The following TTC17 variants were observed in gnomAD, a reference collection of about 807,000 sequenced individuals.
TTC17 encodes the protein tetratricopeptide repeat protein 17.
Under a neutral mutation model 143.8 loss-of-function variants are expected in TTC17, and 58 were observed. That is an observed-to-expected ratio of 0.40 (90% CI 0.33 to 0.50). The LOEUF is 0.50. Ranked by LOEUF, TTC17 falls within the 20% of genes least tolerant of loss-of-function variation. TTC17 has a pLI of 0.49. For synonymous variants in TTC17, 501 were observed against 497.8 expected (o/e 1.01, Z -0.09); for missense variants, 1,273 against 1,392.5 (o/e 0.91, Z 1.37).
At chr11:43,445,284 T>C (rs1947516663) in intron 18 of TTC17, among the ~76,000 whole-genome samples, 1 of 152,212 alleles carries the variant, frequency 6.6e-6, no homozygotes, top group Non-Finnish European at 1.5e-5. Context: ...TAATTGCCAC[T>C]GTTTTTCTTT....
intron 21 of TTC17, among the ~76,000 whole-genome samples, chr11:43,474,860 C>T (rs1312980700): frequency 6.6e-6 from 1 of 152,068 alleles, no homozygotes; most frequent in Admixed American, 6.5e-5. Context: ...AAGAAAATCA[C>T]AAGGAAGAGA....
At chr11:43,414,880 T>C (rs1946742399) in intron 16 of TTC17, 104 bp downstream of exon 16, 1 of 1,256,094 alleles carries the variant, frequency 8.0e-7, no homozygotes, top group Non-Finnish European at 1.1e-6. Context: ...CCAAGGATTT[T>C]AGATAACCAG....
At chr11:43,420,051 T>C (rs1194067565) in intron 16 of TTC17, among the ~76,000 whole-genome samples, 3 of 152,252 alleles carry the variant, frequency 2.0e-5, no homozygotes, top group Admixed American at 6.5e-5. Context: ...GCTGTAGTTA[T>C]TTGGTTAACA....
At chr11:43,389,035 G>T (rs920084557) in intron 2 of TTC17, among the ~76,000 whole-genome samples, 19 of 151,664 alleles carry the variant, frequency 1.3e-4, no homozygotes, top group African/African-American at 4.1e-4. Flanking sequence ...ATACTTGGGA[G>T]GCTGAGGTGA....
At position 43,405,881 on chromosome 11, in the gene TTC17, C is replaced by T. The variant is rs530232005; in HGVS notation, c.1691C>T (p.Ser564Phe). Residue 564 changes from serine (S) to phenylalanine (F), a missense_variant, in exon 13 of 24, where the codon TCC (serine) becomes TTC (phenylalanine). Coordinates refer to ENST00000039989, the MANE Select transcript of TTC17 (RefSeq NM_018259.6). ...GACTTCAGAAAAAGCCACACTCTGT[C>T]CTACTTAGTCAAAGAATTAGAGGTT... ...ITDFRKSHTL[S>F]YLVKELEVRM... 6 of 1,614,038 alleles carry T rather than the reference C, an allele frequency of 3.7e-6. No homozygotes were observed. The South Asian group carries it at 5.5e-5, about 15-fold the overall frequency.
chr11:43,493,322 T>C lies in TTC17; in HGVS notation c.3295-451T>C, dbSNP rs1291475463. Among the ~76,000 whole-genome samples the C allele has an allele frequency of 2.0e-5, 3 of 152,210 alleles. No homozygotes were observed. The East Asian group carries it at 5.8e-4, about 29-fold the overall frequency. On this transcript the variant is annotated intron_variant, in intron 23 of 23. Coordinates refer to ENST00000039989, the MANE Select transcript of TTC17 (RefSeq NM_018259.6). Reference sequence around the variant, plus strand: ...AGATACCGGACTTAGTTTCCGTCTTTCCAGCTACATTAGAAAATTTAGGCA... The same window carrying C: ...AGATACCGGACTTAGTTTCCGTCTTCCCAGCTACATTAGAAAATTTAGGCA...
At chr11:43,360,933 A>G (rs2134421537) in intron 1 of TTC17, among the ~76,000 whole-genome samples, 1 of 152,240 alleles carries the variant, frequency 6.6e-6, no homozygotes, top group East Asian at 1.9e-4. Context: ...TTTTCATTGA[A>G]TTTTCCAATA....
chr11:43,399,414 C>T (rs903251011), intron 8 of TTC17, among the ~76,000 whole-genome samples: 2 of 152,152 alleles, frequency 1.3e-5, no homozygotes, highest in African/African-American at 4.8e-5. Context: ...CCTGTAATCC[C>T]AGTTATTCTG....
intron 8 of TTC17, 72 bp downstream of exon 8, chr11:43,398,185 T>C: frequency 6.4e-7 from 1 of 1,557,878 alleles, no homozygotes; most frequent in Non-Finnish European, 8.7e-7. Flanking sequence ...GTAGGGGATA[T>C]CAGTGTTAAT....
At chr11:43,446,768 C>G in intron 18 of TTC17, 1 of 753,862 alleles carries the variant, frequency 1.3e-6, no homozygotes, top group Non-Finnish European at 1.6e-6. Context: ...TCAGAAAACC[C>G]TTCCCAGACA....
chr11:43,422,172 A>G (rs755907060), intron 16 of TTC17, among the ~76,000 whole-genome samples: 1 of 152,338 alleles, frequency 6.6e-6, no homozygotes, highest in Non-Finnish European at 1.5e-5. Context: ...AGAAAGGGAT[A>G]TGGGAAATGA....
intron 21 of TTC17, 97 bp from the exon 22 acceptor site, chr11:43,490,142 A>T: frequency 1.3e-6 from 2 of 1,483,474 alleles, no homozygotes; most frequent in Non-Finnish European, 1.8e-6. Flanking sequence ...GTAAATACTC[A>T]GTTGAATGGT....
chr11:43,450,358 G>A, intron 20 of TTC17, 117 bp downstream of exon 20: 3 of 1,241,456 alleles, frequency 2.4e-6, no homozygotes, highest in Non-Finnish European at 2.1e-6. Flanking sequence ...GCTTTTTTCA[G>A]TTAGGCATCA....
At chr11:43,423,179 A>G (rs1377441155) in intron 16 of TTC17, among the ~76,000 whole-genome samples, 1 of 152,222 alleles carries the variant, frequency 6.6e-6, no homozygotes, top group Non-Finnish European at 1.5e-5. Context: ...GAAGAGGTAC[A>G]GAGAATGTTG....
intron 21 of TTC17, among the ~76,000 whole-genome samples, chr11:43,474,920 C>G (rs149460427): frequency 6.6e-6 from 1 of 152,280 alleles, no homozygotes; most frequent in African/African-American, 2.4e-5. Context: ...TGAAGGTCTT[C>G]ATTCTCACCA....
chr11:43,406,042 C>T, intron 13 of TTC17, 91 bp downstream of exon 13: 1 of 1,399,166 alleles, frequency 7.1e-7, no homozygotes, highest in South Asian at 1.4e-5. Flanking sequence ...TAGAAGGTAG[C>T]TGTTGAGCTT....
intron 21 of TTC17, among the ~76,000 whole-genome samples, chr11:43,454,363 A>G (rs912585650): frequency 7.9e-5 from 12 of 152,202 alleles, no homozygotes; most frequent in African/African-American, 2.9e-4. Flanking sequence ...ATACAATACA[A>G]GCCTTCCTAA....
chr11:43,466,802 A>G, intron 21 of TTC17: 1 of 313,834 alleles, frequency 3.2e-6, no homozygotes. Context: ...ATATTGTGGA[A>G]GCCATGGAAT....
chr11:43,385,829 T>C (rs1354462077), intron 2 of TTC17, among the ~76,000 whole-genome samples: 1 of 151,058 alleles, frequency 6.6e-6, no homozygotes, highest in Non-Finnish European at 1.5e-5. Context: ...AATAATATTA[T>C]AAATAACATA....
Sources: gnomAD v4.1 joint callset for allele counts (sites outside exome capture counted in the v4.1 genomes callset) on GRCh38, gnomAD v4.1.1 for gene constraint, MANE v1.5 for transcripts, NCBI Gene and HGNC (gene_info 2026-07-23, HGNC 2026-07-21) for gene names.